Variants in CABIN1 observed in about 807,000 individuals in gnomAD.
CABIN1 encodes calcineurin binding protein 1.
Under a neutral mutation model 227.7 loss-of-function variants are expected in CABIN1, and 133 were observed. That is an observed-to-expected ratio of 0.58 (90% confidence interval 0.51 to 0.67). The LOEUF (loss-of-function observed/expected upper bound fraction) is 0.67. Among genes scored for constraint, CABIN1 ranks in the 30% least tolerant of loss-of-function variants. CABIN1 has a pLI of 0.00. For synonymous variants in CABIN1, 1,086 were observed against 1,155.1 expected, an observed-to-expected ratio of 0.94 and a Z score of 1.21; for missense variants, 2,408 against 2,852.5, an observed-to-expected ratio of 0.84 and a Z score of 3.55.
chr22:24,041,409 G>A (rs993197426), intron 5 of CABIN1, 136 bp downstream of exon 5: 1 of 1,125,704 alleles, frequency 8.9e-7, no homozygotes, highest in East Asian at 2.5e-5. Context: ...AGGCTCTAGG[G>A]TAGGTCCATA....
intron 32 of CABIN1, 128 bp downstream of exon 32, chr22:24,167,441 T>A: frequency 1.3e-6 from 1 of 756,910 alleles, no homozygotes; most frequent in Non-Finnish European, 2.2e-6. Context: ...TCCCACACCA[T>A]CCCTGCTGTT....
At chr22:24,069,274 G>A (rs779577840) in intron 16 of CABIN1, among the ~76,000 whole-genome samples, 10 of 152,150 alleles carry the variant, frequency 6.6e-5, no homozygotes, top group Admixed American at 2.6e-4. Context: ...GTATTCCTAC[G>A]TTGCTGGCTT....
chr22:24,083,099 G>T, intron 19 of CABIN1, 129 bp from the exon 20 acceptor site: 1 of 887,606 alleles, frequency 1.1e-6, no homozygotes. Context: ...AGTCATGCAG[G>T]AGCCCAACAG....
rs1204756848 is a variant in CABIN1, at chr22:24,166,841, C to T, written c.5210C>T (p.Ala1737Val). The T allele has an allele frequency of 6.2e-7, 1 of 1,612,960 alleles. No homozygotes were observed. Among genetic ancestry groups the T allele is most frequent in the Non-Finnish European group, 8.5e-7 (1 of 1,179,930 alleles). The change falls in exon 32 of 37, where the codon GCA (alanine) becomes GTA (valine). Residue 1737 changes from alanine (A) to valine (V), a missense_variant. Ala to Val is a moderately conservative substitution (Grantham distance 64). This residue lies in a region of CABIN1 where 714 missense variants were observed against 773.8 expected (regional missense o/e 0.92). Coordinates refer to ENST00000263119, the MANE Select transcript of CABIN1 (RefSeq NM_012295.4). ...AACCACCGGCCTGTGGCCATGGATGCAGGAGACAGTGCAGACCAAAGCGGG... is the reference window on the plus strand; with the variant it reads ...AACCACCGGCCTGTGGCCATGGATGTAGGAGACAGTGCAGACCAAAGCGGG... ...LLNHRPVAMD[A>V]GDSADQSGER...
intron 27 of CABIN1, among the ~76,000 whole-genome samples, chr22:24,117,781 G>A (rs2043172616): frequency 6.6e-6 from 1 of 152,210 alleles, no homozygotes; most frequent in South Asian, 2.1e-4. Flanking sequence ...AGTGCCTGAT[G>A]TGAACCGCTG....
chr22:24,022,604 A>G (rs2035803559), intron 1 of CABIN1, among the ~76,000 whole-genome samples: 1 of 152,234 alleles, frequency 6.6e-6, no homozygotes, highest in South Asian at 2.1e-4. Context: ...TCTAGGATAA[A>G]TAACTAGGAG....
chr22:24,025,472 A>G (rs543036092), intron 1 of CABIN1, among the ~76,000 whole-genome samples: 1 of 152,262 alleles, frequency 6.6e-6, no homozygotes, highest in East Asian at 1.9e-4. Context: ...AAAGTGCACA[A>G]ACCCACATTT....
intron 28 of CABIN1, among the ~76,000 whole-genome samples, chr22:24,128,227 C>A (rs2043854214): frequency 7.2e-6 from 1 of 138,182 alleles, no homozygotes; most frequent in Admixed American, 8.3e-5. Flanking sequence ...TGTGGTTCTG[C>A]TTTTTTTTGC....
At chr22:24,041,706 T>C (rs2037390369) in intron 5 of CABIN1, among the ~76,000 whole-genome samples, 1 of 152,214 alleles carries the variant, frequency 6.6e-6, no homozygotes, top group South Asian at 2.1e-4. Context: ...ATAATAGTAT[T>C]GCTGTTATTT....
chr22:24,116,815 C>G (rs575131647), intron 27 of CABIN1, among the ~76,000 whole-genome samples: 13 of 152,310 alleles, frequency 8.5e-5, no homozygotes, highest in African/African-American at 3.1e-4. Context: ...CTTCTTAGGA[C>G]CTCCATGGGC....
intron 28 of CABIN1, among the ~76,000 whole-genome samples, chr22:24,123,937 C>A (rs1327625413): frequency 6.6e-6 from 1 of 152,232 alleles, no homozygotes; most frequent in Non-Finnish European, 1.5e-5. Context: ...CTGCCTGGAG[C>A]TGTGTGGTTG....
chr22:24,056,195 A>ATATTTCTG lies in CABIN1; in HGVS notation c.1098_1105dup (p.Gly369ValfsTer12). The ATATTTCTG allele has an allele frequency of 6.2e-7, 1 of 1,613,830 alleles. No individual in the cohort carries two copies. ...TTAATTTGCATTCTTTGTGAAGGTGATATTTCTGGGGGAGATAAATCCAAG... is the reference window on the plus strand; with the variant it reads ...TTAATTTGCATTCTTTGTGAAGGTGATATTTCTGTATTTCTGGGGGAGATAAATCCAAG... On this transcript the variant is annotated frameshift_variant, in exon 10 of 37. Coordinates refer to ENST00000263119, the MANE Select transcript of CABIN1 (RefSeq NM_012295.4). LOFTEE classifies it high-confidence loss of function.
At chr22:24,141,996 G>T (rs1020642206) in intron 29 of CABIN1, among the ~76,000 whole-genome samples, 1 of 152,158 alleles carries the variant, frequency 6.6e-6, no homozygotes, top group Non-Finnish European at 1.5e-5. Context: ...GAGTTGGGGG[G>T]AAGGAGAGAA....
chr22:24,061,965 C>G lies in CABIN1; in HGVS notation c.1636C>G (p.Leu546Val). ...KHIKDMMLMS[L>V]SCMELQLDQW... is the part of the protein sequence containing the mutation. The stretch of plus-strand genomic sequence containing the variant: ...CCTGCAGGACATGATGCTGATGTCT[C>G]TCTCCTGCATGGAACTCCAGCTGGA... The change falls in exon 13 of 37, where the codon CTC (leucine) becomes GTC (valine). Residue 546 changes from leucine (L) to valine (V), a missense_variant. Physicochemically the swap from Leu to Val is conservative, Grantham distance 32 (BLOSUM62 1). Coordinates refer to ENST00000263119, the MANE Select transcript of CABIN1 (RefSeq NM_012295.4). The G allele has an allele frequency of 6.2e-7, 1 of 1,613,934 alleles. No individual in the cohort carries two copies. Among genetic ancestry groups the G allele is most frequent in the East Asian group, 2.2e-5 (1 of 44,890 alleles).
At chr22:24,121,619 T>G (rs2043416234) in intron 28 of CABIN1, among the ~76,000 whole-genome samples, 1 of 152,256 alleles carries the variant, frequency 6.6e-6, no homozygotes, top group South Asian at 2.1e-4. Context: ...TCCTCACTGC[T>G]GAAGCCGTCT....
chr22:24,101,505 G>A (rs1201876826), intron 26 of CABIN1, among the ~76,000 whole-genome samples: 1 of 152,198 alleles, frequency 6.6e-6, no homozygotes, highest in Non-Finnish European at 1.5e-5. Context: ...TGGTGTCAAA[G>A]CCAGCCCTTC....
intron 28 of CABIN1, among the ~76,000 whole-genome samples, chr22:24,125,886 C>T (rs189030511): frequency 6.6e-6 from 1 of 152,332 alleles, no homozygotes; most frequent in African/African-American, 2.4e-5. Flanking sequence ...TTTGAAGATT[C>T]TACTGGGCCC....
At chr22:24,021,267 A>G (rs1380458235) in intron 1 of CABIN1, among the ~76,000 whole-genome samples, 2 of 151,482 alleles carry the variant, frequency 1.3e-5, no homozygotes, top group Non-Finnish European at 2.9e-5. Context: ...GGATCCTCCA[A>G]CCCCAGCCTC....
chr22:24,141,505 A>T (rs1439391386), intron 29 of CABIN1, among the ~76,000 whole-genome samples: 2 of 152,232 alleles, frequency 1.3e-5, no homozygotes, highest in African/African-American at 2.4e-5. Context: ...GTTGGAGGCC[A>T]GGACACAGGT....
Sources: allele counts gnomAD v4.1 joint callset (sites outside exome capture counted in the v4.1 genomes callset), GRCh38; gene constraint gnomAD v4.1.1; regional missense constraint gnomAD v4.1.1; transcripts MANE v1.5; gene names NCBI Gene and HGNC (gene_info 2026-07-23, HGNC 2026-07-21).